Variants in ZNF804B observed in about 807,000 individuals in gnomAD.
ZNF804B encodes the protein zinc finger protein 804B.
Under a neutral mutation model 101.4 loss-of-function variants are expected in ZNF804B, and 80 were observed. The observed-to-expected ratio is 0.79, with a 90% CI of 0.66 to 0.95. The LOEUF is 0.95. ZNF804B is among the 40% of genes least tolerant of loss of function. ZNF804B has a pLI of 0.00. For synonymous variants in ZNF804B, 622 were observed against 558.8 expected (o/e 1.11, Z -1.59); for missense variants, 1,673 against 1,561.9 (o/e 1.07, Z -1.20).
chr7:89,224,068 A>G lies in ZNF804B; in HGVS notation c.249+5773A>G, dbSNP rs528225987. ...AGCTGCAAATGTATTACTGGGATGA[A>G]TAATACACATCCTCACATGCAGCAG... On this transcript the variant is annotated intron_variant, in intron 2 of 3. Transcript: ENST00000333190. Among the ~76,000 whole-genome samples, 6 of 152,146 alleles carry G rather than the reference A, an allele frequency of 3.9e-5. No homozygotes were observed. The East Asian group carries it at 9.6e-4, about 24-fold the overall frequency.
At chr7:89,028,589 G>C (rs1043243034) in intron 1 of ZNF804B, among the ~76,000 whole-genome samples, 4 of 152,104 alleles carry the variant, frequency 2.6e-5, no homozygotes, top group African/African-American at 9.7e-5. Context: ...ATCAACTCAT[G>C]TGCCTCATTC....
At chr7:88,861,470 C>T (rs1479551027) in intron 1 of ZNF804B, among the ~76,000 whole-genome samples, 1 of 152,164 alleles carries the variant, frequency 6.6e-6, no homozygotes, top group African/African-American at 2.4e-5. Context: ...CAGTTAATAT[C>T]TAACTGATAA....
At chr7:88,794,378 T>G in intron 1 of ZNF804B, 1 of 1,613,916 alleles carries the variant, frequency 6.2e-7, no homozygotes, top group South Asian at 1.1e-5. Context: ...CCTACTTTCA[T>G]AGTCTGGCAA....
chr7:88,823,090 A>G (rs1053680692), intron 1 of ZNF804B, among the ~76,000 whole-genome samples: 4 of 152,102 alleles, frequency 2.6e-5, no homozygotes, highest in African/African-American at 9.7e-5. Flanking sequence ...GATGCCTGTA[A>G]TCCCAGCTAC....
At position 89,038,838 on chromosome 7, in the gene ZNF804B, G is replaced by T. The variant is rs184807748; in HGVS notation, c.109-179317G>T. Among the ~76,000 whole-genome samples the T allele has an allele frequency of 2.1e-3, 323 of 152,114 alleles. 4 individuals carry two copies. Among genetic ancestry groups the T allele is most frequent in the African/African-American group, 7.5e-3 (310 of 41,524 alleles). ...CCTTTTTCAGTTGATTTTTGTATAT[G>T]ATGTGATACAAAGGTACAATTTAAT... is the stretch of plus-strand genomic sequence containing the variant. On this transcript the variant is annotated intron_variant, in intron 1 of 3. Coordinates refer to ENST00000333190, the MANE Select transcript of ZNF804B (RefSeq NM_181646.5).
At chr7:88,772,758 GA>G (rs1790087521) in intron 1 of ZNF804B, among the ~76,000 whole-genome samples, 1 of 152,166 alleles carries the variant, frequency 6.6e-6, no homozygotes, top group Non-Finnish European at 1.5e-5. Context: ...CCCGTGTTTG[GA>G]AACAACTCAG....
chr7:89,234,530 G>T (rs918139190), intron 2 of ZNF804B, among the ~76,000 whole-genome samples: 1 of 152,138 alleles, frequency 6.6e-6, no homozygotes, highest in Non-Finnish European at 1.5e-5. Context: ...TGCCAAGATG[G>T]CTGGTGAAGC....
At chr7:89,289,214 G>A (rs966938165) in intron 2 of ZNF804B, among the ~76,000 whole-genome samples, 2 of 152,108 alleles carry the variant, frequency 1.3e-5, no homozygotes, top group African/African-American at 4.8e-5. Context: ...TAGCAAAGTA[G>A]TAGCCATAAA....
intron 1 of ZNF804B, among the ~76,000 whole-genome samples, chr7:89,151,150 A>G (rs1008063162): frequency 1.3e-5 from 2 of 152,098 alleles, no homozygotes; most frequent in Non-Finnish European, 2.9e-5. Context: ...AGGCAGCATA[A>G]TCAATTAAAT....
At chr7:89,278,804 T>A (rs1562935135) in intron 2 of ZNF804B, among the ~76,000 whole-genome samples, 1 of 151,562 alleles carries the variant, frequency 6.6e-6, no homozygotes, top group Non-Finnish European at 1.5e-5. Context: ...AGCTTTGTTC[T>A]TTTGGCTTAG....
chr7:88,985,136 A>G (rs1285062836), intron 1 of ZNF804B, among the ~76,000 whole-genome samples: 2 of 151,964 alleles, frequency 1.3e-5, no homozygotes, highest in Non-Finnish European at 2.9e-5. Context: ...CCTATAGTCT[A>G]TAGTAGTTTT....
chr7:89,102,980 G>GTT (rs970509516), intron 1 of ZNF804B, among the ~76,000 whole-genome samples: 2 of 141,164 alleles, frequency 1.4e-5, no homozygotes, highest in African/African-American at 5.2e-5. Flanking sequence ...CATTATCAAA[G>GTT]ATCAGTTGGT....
rs569883730 is a variant in ZNF804B, at chr7:89,220,023, A to G, written c.249+1728A>G. On this transcript the variant is annotated intron_variant, in intron 2 of 3. Coordinates refer to ENST00000333190, the MANE Select transcript of ZNF804B (RefSeq NM_181646.5). ...TATATGCACATATATGTGTGTATAC[A>G]TATATATACGCACATATATGTGCAT... Among the ~76,000 whole-genome samples, 7 of 123,904 alleles carry G rather than the reference A, an allele frequency of 5.6e-5. 3 individuals are homozygous for G. The highest frequency in any genetic ancestry group is 2.1e-4 in the African/African-American group (7 of 32,980). The allele number at this position is 123,904 out of a possible 152,430, so 81.3% of individuals were successfully genotyped here.
At chr7:89,137,830 A>G (rs1275665857) in intron 1 of ZNF804B, among the ~76,000 whole-genome samples, 2 of 152,092 alleles carry the variant, frequency 1.3e-5, no homozygotes, top group Non-Finnish European at 2.9e-5. Flanking sequence ...TCTTCAGACA[A>G]GGCAGCACCC....
intron 1 of ZNF804B, among the ~76,000 whole-genome samples, chr7:89,020,032 T>G (rs1362975997): frequency 6.6e-6 from 1 of 152,134 alleles, no homozygotes; most frequent in Non-Finnish European, 1.5e-5. Flanking sequence ...TTATTGTTTA[T>G]TTTTGAAGTT....
chr7:88,872,219 C>T (rs1791837841), intron 1 of ZNF804B, among the ~76,000 whole-genome samples: 2 of 152,246 alleles, frequency 1.3e-5, no homozygotes, highest in East Asian at 1.9e-4. Context: ...GGTTTAAGCA[C>T]AGTTCAGTAT....
chr7:88,969,569 C>A (rs1584045433), intron 1 of ZNF804B, among the ~76,000 whole-genome samples: 1 of 146,396 alleles, frequency 6.8e-6, no homozygotes, highest in African/African-American at 2.6e-5. Flanking sequence ...TCTAGAAAAA[C>A]AAGAGAGAGG....
intron 1 of ZNF804B, among the ~76,000 whole-genome samples, chr7:88,797,458 G>T (rs1421761673): frequency 6.6e-6 from 1 of 152,134 alleles, no homozygotes; most frequent in Non-Finnish European, 1.5e-5. Context: ...TCCATAGAAT[G>T]CTGGGAGGCA....
At chr7:89,037,356 A>G (rs1392391663) in intron 1 of ZNF804B, among the ~76,000 whole-genome samples, 3 of 152,100 alleles carry the variant, frequency 2.0e-5, no homozygotes, top group East Asian at 1.9e-4. Flanking sequence ...ATCACACTAG[A>G]AAAAGCTGTT....
Sources: gnomAD v4.1 joint callset for allele counts (sites outside exome capture counted in the v4.1 genomes callset) on GRCh38, gnomAD v4.1.1 for gene constraint, MANE v1.5 for transcripts, NCBI Gene and HGNC (gene_info 2026-07-23, HGNC 2026-07-21) for gene names.